Variants in AEN observed in about 807,000 individuals in gnomAD.
AEN encodes apoptosis enhancing nuclease.
Under a neutral mutation model 17.7 loss-of-function variants are expected in AEN, and 21 were observed. That is an observed-to-expected ratio of 1.19 (90% confidence interval 0.84 to 1.71). The LOEUF (loss-of-function observed/expected upper bound fraction) is 1.71, where lower values mean the gene tolerates loss of function less well. Among genes scored for constraint, AEN ranks in the 40% most tolerant of loss-of-function variants. AEN has a pLI of 0.00. For synonymous variants in AEN, 190 were observed against 173.0 expected, an observed-to-expected ratio of 1.10 and a Z score of -0.77; for missense variants, 462 against 435.9, an observed-to-expected ratio of 1.06 and a Z score of -0.53.
rs915889364 is a variant in AEN at position 88,631,660 on chromosome 15, T to A, written c.*1366T>A. On this transcript the variant is annotated 3_prime_UTR_variant, in exon 4 of 4. Coordinates refer to ENST00000332810, the MANE Select transcript of AEN (RefSeq NM_022767.4). ...CTGTGAGTTTCTGTTTATCCCCCTT[T>A]TTTTTTTTTAAGCCCATTGTTTATT... 3 of 152,430 alleles carry A rather than the reference T, an allele frequency of 2.0e-5. No homozygotes were observed. Among genetic ancestry groups the A allele is most frequent in the Non-Finnish European group, 4.4e-5 (3 of 68,322 alleles). The allele number at this position is 152,430 out of a possible 1,614,324, so 9.4% of individuals were successfully genotyped here. A position where few individuals can be genotyped will look rare whatever the true frequency, so the allele number is the denominator to read the frequency against.
At chr15:88,622,941 TAGG>T (rs1265157222) in intron 1 of AEN, among the ~76,000 whole-genome samples, 4 of 152,200 alleles carry the variant, frequency 2.6e-5, no homozygotes, top group Non-Finnish European at 5.9e-5. Context: ...TCTCTTGAAA[TAGG>T]AGGCTACAGA....
Position 88,626,127 on chromosome 15 carries a change from CTG to C in AEN, c.-64-13_-64-12del, listed in dbSNP as rs2057848338. On this transcript the variant is annotated splice_polypyrimidine_tract_variant and intron_variant, in intron 1 of 3. Coordinates refer to ENST00000332810, the MANE Select transcript of AEN (RefSeq NM_022767.4). ...GCACACTCTCACCCAGCCCCTCTGCCTGTGTGTTCTCTCTTCAGGCTGCTGCC... is the reference window on the plus strand; with the variant it reads ...GCACACTCTCACCCAGCCCCTCTGCCTGTGTTCTCTCTTCAGGCTGCTGCC... 3 of 1,447,924 alleles carry C rather than the reference CTG, an allele frequency of 2.1e-6. No homozygotes were observed. In the East Asian group the frequency reaches 7.2e-5, roughly 35 times the overall value. The allele number at this position is 1,447,924 out of a possible 1,614,324, so 89.7% of individuals were successfully genotyped here. A position where few individuals can be genotyped will look rare whatever the true frequency, so the allele number is the denominator to read the frequency against.
At chr15:88,614,988 C>T in the AEN span, among the ~76,000 whole-genome samples, 288 of 152,186 alleles carry the variant, frequency 1.9e-3, 2 homozygotes, top group South Asian at 2.7e-3. Flanking sequence ...CTCAGCCTCC[C>T]GAACAGCTGG....
At chr15:88,626,024 C>T (rs1400681168) in intron 1 of AEN, 122 bp from the exon 2 acceptor site, 2 of 599,542 alleles carry the variant, frequency 3.3e-6, no homozygotes, top group East Asian at 2.9e-5. Flanking sequence ...CTGGGAGCCA[C>T]GAGCTACGGT....
At position 88,630,072 on chromosome 15, in the gene AEN, G is replaced by T. The variant is rs1301476261; in HGVS notation, c.756G>T (p.Gly252=). Residue 252 remains glycine, a synonymous_variant, in exon 4 of 4, where the codon GGG becomes GGT. Coordinates refer to ENST00000332810, the MANE Select transcript of AEN (RefSeq NM_022767.4). The surrounding 1 kb of genome is among the most constrained non-coding windows in gnomAD (Gnocchi z 5.1). ...LHKKIQVGQH[G]HSSVEDATTA... ...CTCGTCAGTAGGTGGGCCAGCACGGGCACTCATCAGTAGAAGATGCCACGA... is the reference window on the plus strand; with the variant it reads ...CTCGTCAGTAGGTGGGCCAGCACGGTCACTCATCAGTAGAAGATGCCACGA... The T allele has an allele frequency of 6.2e-7, 1 of 1,614,056 alleles. No individual in the cohort carries two copies. Among genetic ancestry groups the T allele is most frequent in the Non-Finnish European group, 8.5e-7 (1 of 1,180,030 alleles).
the AEN span, chr15:88,612,011 C>G: frequency 2.4e-6 from 1 of 420,850 alleles, no homozygotes; most frequent in South Asian, 1.7e-5. Flanking sequence ...TTTTGTGTTT[C>G]CTAGAAAACA....
the AEN span, among the ~76,000 whole-genome samples, chr15:88,612,858 C>T: frequency 0.012 from 1,813 of 152,202 alleles, 34 homozygotes; most frequent in African/African-American, 0.041. Flanking sequence ...ACCTCGGTCT[C>T]CCAAAGTGCT....
intron 2 of AEN, chr15:88,627,907 A>G (rs2057875092): frequency 6.6e-6 from 1 of 152,228 alleles, no homozygotes; most frequent in Non-Finnish European, 1.5e-5. Context: ...ACCACTTTTT[A>G]ACACTTCTGG....
upstream of AEN, among the ~76,000 whole-genome samples, chr15:88,618,278 T>C (rs1483607156): frequency 6.6e-6 from 1 of 152,178 alleles, no homozygotes; most frequent in Admixed American, 6.5e-5. Context: ...CTACGGAGTT[T>C]TATCCAAGCA....
chr15:88,615,015 C>T, the AEN span, among the ~76,000 whole-genome samples: 2 of 152,174 alleles, frequency 1.3e-5, no homozygotes, highest in African/African-American at 4.8e-5. Flanking sequence ...AGGCGCCCGC[C>T]ACCACGCCCG....
chr15:88,612,216 T>C, the AEN span, among the ~76,000 whole-genome samples: 10 of 152,164 alleles, frequency 6.6e-5, no homozygotes, highest in Admixed American at 3.9e-4. Flanking sequence ...TTGGGGCACC[T>C]ATAATGGAGG....
In AEN at chr15:88,629,237, C is replaced by T. The variant is rs138657379; in HGVS notation, c.552C>T (p.Leu184=). 2.5e-6 allele frequency: 4 copies of T among 1,614,052 alleles called. No individual in the cohort carries two copies. In the African/African-American group the frequency reaches 4.0e-5, roughly 16 times the overall value. ...CTTTCTGCTCACAGATCCTTAAGCT[C>T]CTGAAGGGCAAGGTGGTGGTGGGGC... ...FQVAQKEILK[L]LKGKVVVGHA... Residue 184 remains leucine (L), a synonymous_variant, in exon 3 of 4, where the codon CTC becomes CTT. Coordinates refer to ENST00000332810, the MANE Select transcript of AEN (RefSeq NM_022767.4).
At position 88,629,228 on chromosome 15, in the gene AEN, C is replaced by G. The variant is rs144044010; in HGVS notation, c.543C>G (p.Ile181Met). The change falls in exon 3 of 4, where the codon ATC (isoleucine) becomes ATG (methionine). Residue 181 changes from isoleucine to methionine, a missense_variant and splice_region_variant. Physicochemically the swap from Ile to Met is conservative, Grantham distance 10. Transcript: ENST00000332810. ...CTGACTCCTCTTTCTGCTCACAGAT[C>G]CTTAAGCTCCTGAAGGGCAAGGTGG... The part of the protein sequence containing the change: ...AVPFQVAQKE[I>M]LKLLKGKVVV... 3.1e-5 allele frequency: 50 copies of G among 1,613,906 alleles called. No homozygotes were observed. The highest frequency in any genetic ancestry group is 9.3e-6 in the Non-Finnish European group (11 of 1,179,962).
chr15:88,610,858 G>C, the AEN span, among the ~76,000 whole-genome samples: 1 of 152,214 alleles, frequency 6.6e-6, no homozygotes, highest in Non-Finnish European at 1.5e-5. Flanking sequence ...GCTAATTAAG[G>C]AGCGGATGTG....
chr15:88,617,378 T>C (rs1364357841), upstream of AEN, among the ~76,000 whole-genome samples: 3 of 152,112 alleles, frequency 2.0e-5, no homozygotes, highest in Admixed American at 6.6e-5. Flanking sequence ...CTCAGCCTCC[T>C]GAGTAGCTGG....
intron 2 of AEN, chr15:88,626,960 C>CCG: frequency 1.7e-6 from 1 of 595,978 alleles, no homozygotes; most frequent in South Asian, 2.0e-5. Flanking sequence ...GCCTGTTGCA[C>CCG]AGGACAATGT....
chr15:88,620,983 ATG>A, upstream of AEN, among the ~76,000 whole-genome samples: 1 of 105,834 alleles, frequency 9.4e-6, no homozygotes. Flanking sequence ...CAATCTGCAG[ATG>A]TGGGTGTACT....
chr15:88,626,849 T>G, intron 2 of AEN, 100 bp downstream of exon 2: 1 of 1,361,804 alleles, frequency 7.3e-7, no homozygotes, highest in Non-Finnish European at 1.0e-6. Context: ...GCAAGAAACC[T>G]TGGGAAAGTC....
rs2057923532 is a variant in AEN, at chr15:88,631,175, AGG to A, written c.*882_*883del. 2 of 456,526 alleles carry A rather than the reference AGG, an allele frequency of 4.4e-6. No individual in the cohort carries two copies. The highest frequency in any genetic ancestry group is 4.4e-6 in the Non-Finnish European group (1 of 226,950). 28.3% of individuals were successfully genotyped at this position (456,526 alleles called of 1,614,324 possible). The stretch of plus-strand genomic sequence containing the variant: ...GGTTTGAATTCTGGGGCCTTTGTGT[AGG>A]ATTGTGCCTGACCTTTATTTATTTA... On this transcript the variant is annotated 3_prime_UTR_variant, in exon 4 of 4. Coordinates refer to ENST00000332810, the MANE Select transcript of AEN (RefSeq NM_022767.4).
Sources: allele counts gnomAD v4.1 joint callset (sites outside exome capture counted in the v4.1 genomes callset), GRCh38; gene constraint gnomAD v4.1.1; non-coding constraint Gnocchi (gnomAD v3.1); transcripts MANE v1.5; gene names NCBI Gene and HGNC (gene_info 2026-07-23, HGNC 2026-07-21).